NLRP11: variants seen among roughly 807,000 people sequenced by gnomAD.
NLRP11 encodes the protein NLR family pyrin domain containing 11, also known as NACHT, LRR and PYD domains-containing protein 11.
NLRP11 carries 53 observed loss-of-function variants against 79.3 expected under a neutral mutation model. The observed-to-expected ratio is 0.67, with a 90% CI of 0.54 to 0.84. The LOEUF (loss-of-function observed/expected upper bound fraction) is 0.84. NLRP11 is among the 40% of genes least tolerant of loss of function. The pLI is 0.00. For synonymous variants in NLRP11, 518 were observed against 462.6 expected (o/e 1.12, Z -1.54); for missense variants, 1,264 against 1,255.0 (o/e 1.01, Z -0.11).
chr19:55,789,705 T>A (rs184493904), intron 7 of NLRP11, among the ~76,000 whole-genome samples: 1 of 152,242 alleles, frequency 6.6e-6, no homozygotes, highest in African/African-American at 2.4e-5. Flanking sequence ...ACCTACACCG[T>A]TGCAATACTG....
chr19:55,800,510 G>A (rs780523260), intron 5 of NLRP11, among the ~76,000 whole-genome samples: 57 of 152,078 alleles, frequency 3.7e-4, no homozygotes, highest in Non-Finnish European at 1.9e-4. Context: ...GTTTCACTAT[G>A]TTGGCCAGGC....
In NLRP11 at chr19:55,785,509, A is replaced by T. The variant is rs949401124; in HGVS notation, c.*116T>A. ...GGATCAAGGTCACACACACACACAC[A>T]CACACACACACACACACACACACAC... On this transcript the variant is annotated 3_prime_UTR_variant, in exon 10 of 10. Coordinates refer to ENST00000589093, the Ensembl canonical transcript of NLRP11. The T allele has an allele frequency of 9.7e-6, 8 of 825,000 alleles. No individual in the cohort carries two copies. The African/African-American group carries it at 1.3e-4, about 13-fold the overall frequency. 51.1% of individuals were successfully genotyped at this position (825,000 alleles called of 1,614,324 possible).
chr19:55,800,791 C>A (rs1979406781), intron 5 of NLRP11, among the ~76,000 whole-genome samples: 1 of 151,930 alleles, frequency 6.6e-6, no homozygotes, highest in Admixed American at 6.6e-5. Flanking sequence ...GGTTCTGCAG[C>A]CTTTTACAAA....
At position 55,800,211 on chromosome 19, in the gene NLRP11, A is replaced by C. The variant is rs543348409; in HGVS notation, c.2171+1361T>G. On this transcript the variant is annotated intron_variant, in intron 5 of 9. Transcript: ENST00000589093. ...AAGTGGTATTATCCAATATTGAGTC[A>C]CCAGCAAGTAGAGCTACTGAGCACT... 8.5e-5 allele frequency among the ~76,000 whole-genome samples: 13 copies of C among 152,320 alleles called. No individual in the cohort carries two copies. The East Asian group carries it at 2.5e-3, about 29-fold the overall frequency.
intron 1 of NLRP11, among the ~76,000 whole-genome samples, chr19:55,819,217 C>T (rs1006988102): frequency 6.6e-6 from 1 of 151,026 alleles, no homozygotes; most frequent in Non-Finnish European, 1.5e-5. Context: ...TACCCCACCT[C>T]TGCAGGGGTT....
chr19:55,828,419 T>TAA (rs113583933), intron 1 of NLRP11, among the ~76,000 whole-genome samples: 1 of 151,790 alleles, frequency 6.6e-6, no homozygotes, highest in Non-Finnish European at 1.5e-5. Flanking sequence ...AGTATAATAA[T>TAA]AAAAAAAAGA....
At chr19:55,821,235 ACACACACACACACAC>A (rs1330078250) in intron 1 of NLRP11, among the ~76,000 whole-genome samples, 1,781 of 122,016 alleles carry the variant, frequency 0.015, 38 homozygotes, top group African/African-American at 0.062. Flanking sequence ...ACACACACAC[ACACACACACACACAC>A]CCCAAGCACT....
chr19:55,798,549 ATATC>A (rs1431211363), intron 5 of NLRP11, among the ~76,000 whole-genome samples: 4 of 152,124 alleles, frequency 2.6e-5, no homozygotes, highest in Non-Finnish European at 5.9e-5. Context: ...AAAAATAAAA[ATATC>A]TATGAGGTAC....
intron 2 of NLRP11, among the ~76,000 whole-genome samples, chr19:55,816,641 G>A (rs1263672820): frequency 6.6e-6 from 1 of 152,102 alleles, no homozygotes; most frequent in Non-Finnish European, 1.5e-5. Flanking sequence ...CATTTCTGTA[G>A]CTGGGTCTTA....
At chr19:55,795,582 C>T (rs73058143) in intron 6 of NLRP11, among the ~76,000 whole-genome samples, 27,220 of 152,042 alleles carry the variant, frequency 0.18, 2,719 homozygotes, top group Non-Finnish European at 0.23. Context: ...CTCCGCCTCC[C>T]GGGTTCAAGC....
Position 55,828,627 on chromosome 19 carries a change from T to C in NLRP11, c.-63+3336A>G, listed in dbSNP as rs528020754. Among the ~76,000 whole-genome samples, 6 of 152,336 alleles carry C rather than the reference T, an allele frequency of 3.9e-5. No homozygotes were observed. The East Asian group carries it at 5.8e-4, about 15-fold the overall frequency. ...ACACTGATACGAAATATGCATTAAA[T>C]GGTGCTGAGAAATTTGGCTCATCAC... On this transcript the variant is annotated intron_variant, in intron 1 of 9. Coordinates refer to ENST00000589093, the Ensembl canonical transcript of NLRP11.
chr19:55,795,698 C>T (rs1417123680), intron 6 of NLRP11, among the ~76,000 whole-genome samples: 3 of 152,026 alleles, frequency 2.0e-5, no homozygotes, highest in Admixed American at 2.0e-4. Flanking sequence ...CTGTGTTGGC[C>T]AGGCTGGTCT....
chr19:55,818,711 G>A (rs552215270), intron 1 of NLRP11, among the ~76,000 whole-genome samples: 1 of 152,114 alleles, frequency 6.6e-6, no homozygotes, highest in Non-Finnish European at 1.5e-5. Flanking sequence ...ATACGTATAA[G>A]GACTCCTAAT....
Position 55,794,787 on chromosome 19 carries a change from A to G in NLRP11, c.2342+1293T>C, listed in dbSNP as rs1416556754. Among the ~76,000 whole-genome samples the G allele has an allele frequency of 2.6e-5, 4 of 152,102 alleles. No homozygotes were observed. In the East Asian group the frequency reaches 5.8e-4, roughly 22 times the overall value. On this transcript the variant is annotated intron_variant, in intron 6 of 9. Coordinates refer to ENST00000589093, the Ensembl canonical transcript of NLRP11. ...AAAAAAAAAATAAATAAAAGCATAC[A>G]TAATGCGATATTACATAATATGAAC... is the stretch of plus-strand genomic sequence containing the variant.
intron 7 of NLRP11, among the ~76,000 whole-genome samples, chr19:55,790,429 G>A (rs11879654): frequency 3.3e-5 from 5 of 152,114 alleles, no homozygotes; most frequent in East Asian, 1.9e-4. Context: ...CAGATTTGGC[G>A]CCTGGGTGAT....
chr19:55,823,019 C>G (rs1044090846), intron 1 of NLRP11, among the ~76,000 whole-genome samples: 2 of 150,754 alleles, frequency 1.3e-5, no homozygotes, highest in Non-Finnish European at 3.0e-5. Flanking sequence ...CCCTGTCTGA[C>G]AGCTTTGAAG....
chr19:55,836,015 T>A (rs1243275222), upstream of NLRP11, among the ~76,000 whole-genome samples: 2 of 152,210 alleles, frequency 1.3e-5, no homozygotes, highest in African/African-American at 4.8e-5. Flanking sequence ...TCCCAGCTAC[T>A]CAGCAGGCTG....
chr19:55,802,862 C>A (rs1979618196), intron 4 of NLRP11, among the ~76,000 whole-genome samples: 1 of 152,150 alleles, frequency 6.6e-6, no homozygotes, highest in African/African-American at 2.4e-5. Context: ...AATGAGGCCA[C>A]ACAACTACAA....
At chr19:55,796,385 T>C (rs1978874180) in intron 5 of NLRP11, 135 bp from the exon 6 acceptor site, 1 of 736,906 alleles carries the variant, frequency 1.4e-6, no homozygotes, top group South Asian at 2.0e-5. Flanking sequence ...TCCCTTTGCT[T>C]CTAACCTTTC....
Sources: allele counts gnomAD v4.1 joint callset (sites outside exome capture counted in the v4.1 genomes callset), GRCh38; gene constraint gnomAD v4.1.1; transcripts MANE v1.5; gene names NCBI Gene and HGNC (gene_info 2026-07-23, HGNC 2026-07-21).